AHCYL2: variants seen among roughly 807,000 people sequenced by gnomAD.
AHCYL2 encodes S-adenosylhomocysteine hydrolase-like protein 2.
AHCYL2 carries 28 observed loss-of-function variants against 81.4 expected under a neutral mutation model. That is an observed-to-expected ratio of 0.34 (90% CI 0.25 to 0.47). The LOEUF (loss-of-function observed/expected upper bound fraction) is 0.47, where lower values mean the gene tolerates loss of function less well. AHCYL2 is among the 20% of genes least tolerant of loss of function. The pLI, the probability that AHCYL2 is intolerant of heterozygous loss-of-function variation, is 1.00. For missense variants in AHCYL2, 551 were observed against 785.1 expected, an observed-to-expected ratio of 0.70 and a Z score of 3.56; for synonymous variants, 272 against 290.2, an observed-to-expected ratio of 0.94 and a Z score of 0.64.
intron 2 of AHCYL2, among the ~76,000 whole-genome samples, chr7:129,383,118 C>T (rs1795040366): frequency 6.6e-6 from 1 of 151,826 alleles, no homozygotes; most frequent in Non-Finnish European, 1.5e-5. Context: ...ATACAACTGC[C>T]TGCTGAGTCC....
intron 1 of AHCYL2, among the ~76,000 whole-genome samples, chr7:129,263,169 T>G (rs1795699284): frequency 6.6e-6 from 1 of 152,236 alleles, no homozygotes; most frequent in South Asian, 2.1e-4. Flanking sequence ...TTTTAGTGGC[T>G]TACAATAACA....
intron 10 of AHCYL2, among the ~76,000 whole-genome samples, chr7:129,408,459 CAG>C (rs1442071242): frequency 6.6e-6 from 1 of 152,108 alleles, no homozygotes; most frequent in Non-Finnish European, 1.5e-5. Context: ...ATGGCTCATT[CAG>C]TTGGATGAAC....
At chr7:129,366,776 C>A (rs1210548109) in intron 1 of AHCYL2, among the ~76,000 whole-genome samples, 243 of 138,236 alleles carry the variant, frequency 1.8e-3, no homozygotes, top group Non-Finnish European at 1.9e-3. Flanking sequence ...AACTCTGTCT[C>A]AAAAAAAAAA....
chr7:129,427,033 C>G lies in AHCYL2; in HGVS notation c.1830-6C>G. ...ATCACAGTCTCATCTTTCTTTTTCC[C>G]TCCAGGTATTAAGTTCCTGTAACTC... On this transcript the variant is annotated splice_polypyrimidine_tract_variant and splice_region_variant and intron_variant, in intron 16 of 16. Coordinates refer to ENST00000325006, the MANE Select transcript of AHCYL2 (RefSeq NM_015328.4). This position sits in a 1 kb window ranked among gnomAD's most constrained non-coding sequence, Gnocchi z 5.5. 1 of 1,610,996 alleles carries G rather than the reference C, an allele frequency of 6.2e-7. No homozygotes were observed. Among genetic ancestry groups the G allele is most frequent in the Non-Finnish European group, 8.5e-7 (1 of 1,177,306 alleles).
intron 11 of AHCYL2, chr7:129,410,459 C>T (rs933035433): frequency 1.4e-5 from 17 of 1,253,400 alleles, no homozygotes; most frequent in South Asian, 7.3e-5. Flanking sequence ...TAAATGTGTA[C>T]GTCATTCATT....
chr7:129,259,300 C>T (rs1007915792), intron 1 of AHCYL2, among the ~76,000 whole-genome samples: 7 of 152,058 alleles, frequency 4.6e-5, no homozygotes, highest in East Asian at 1.9e-4. Context: ...AGCACAGGAG[C>T]GACAAATCTT....
chr7:129,402,366 G>A (rs1316838552), intron 6 of AHCYL2, among the ~76,000 whole-genome samples: 1 of 152,162 alleles, frequency 6.6e-6, no homozygotes, highest in South Asian at 2.1e-4. Context: ...TAGACATGAG[G>A]TTGGGGATTT....
In AHCYL2 at chr7:129,248,029, G is replaced by A. The variant is rs544139348; in HGVS notation, c.363+22590G>A. Among the ~76,000 whole-genome samples the A allele has an allele frequency of 7.9e-5, 12 of 152,224 alleles. No individual in the cohort carries two copies. In the South Asian group the frequency reaches 2.3e-3, roughly 29 times the overall value. ...TTGCATTTAGATTTTTGGGCTTGGG[G>A]TGAAAAAAGTCCCCATTTTTTCCCT... On this transcript the variant is annotated intron_variant, in intron 1 of 16. Coordinates refer to ENST00000325006, the MANE Select transcript of AHCYL2 (RefSeq NM_015328.4).
At chr7:129,396,879 G>A (rs1033451898) in intron 4 of AHCYL2, among the ~76,000 whole-genome samples, 2 of 152,196 alleles carry the variant, frequency 1.3e-5, no homozygotes, top group African/African-American at 4.8e-5. Context: ...TCGTTAAGGT[G>A]GGAGCTTCTC....
chr7:129,233,334 T>TACC (rs1328687319), intron 1 of AHCYL2, among the ~76,000 whole-genome samples: 1 of 151,874 alleles, frequency 6.6e-6, no homozygotes. Context: ...ACAAGTGTGC[T>TACC]ACCACGCCTG....
At chr7:129,282,694 G>C (rs1163469607) in intron 1 of AHCYL2, among the ~76,000 whole-genome samples, 2 of 151,678 alleles carry the variant, frequency 1.3e-5, no homozygotes, top group Non-Finnish European at 2.9e-5. Context: ...TTCTTCATGG[G>C]TCATATTTTC....
chr7:129,318,095 C>G (rs148945220), intron 1 of AHCYL2, among the ~76,000 whole-genome samples: 1 of 152,118 alleles, frequency 6.6e-6, no homozygotes, highest in African/African-American at 2.4e-5. Context: ...TATAACACAA[C>G]TCATTGATGA....
intron 1 of AHCYL2, among the ~76,000 whole-genome samples, chr7:129,310,417 G>GAGA (rs1797613877): frequency 6.6e-6 from 1 of 152,174 alleles, no homozygotes; most frequent in Non-Finnish European, 1.5e-5. Context: ...AGACAAGGCT[G>GAGA]AGAATGGACC....
At chr7:129,299,391 T>G (rs1314416962) in intron 1 of AHCYL2, among the ~76,000 whole-genome samples, 12 of 93,334 alleles carry the variant, frequency 1.3e-4, no homozygotes, top group African/African-American at 4.2e-4. Context: ...TTTTTTTTTT[T>G]TTTTTTTTTT....
chr7:129,419,018 T>A lies in AHCYL2; in HGVS notation c.1462-3822T>A, dbSNP rs1240065348. Among the ~76,000 whole-genome samples the A allele has an allele frequency of 6.6e-6, 1 of 152,242 alleles. No individual in the cohort carries two copies. Among genetic ancestry groups the A allele is most frequent in the East Asian group, 1.9e-4 (1 of 5,194 alleles). On this transcript the variant is annotated intron_variant, in intron 12 of 16. Coordinates refer to ENST00000325006, the MANE Select transcript of AHCYL2 (RefSeq NM_015328.4). The surrounding 1 kb of genome is among the most constrained non-coding windows in gnomAD (Gnocchi z 4.7). ...GATTTGGTAAGTATCGAGATATTTT[T>A]AGTAATCAAAATTTTTAAAGAGTTT... is the stretch of plus-strand genomic sequence containing the variant.
chr7:129,239,916 A>G (rs1438946760), intron 1 of AHCYL2, among the ~76,000 whole-genome samples: 1 of 151,874 alleles, frequency 6.6e-6, no homozygotes, highest in African/African-American at 2.4e-5. Context: ...CAGAGACCCC[A>G]TACCCACAGA....
At position 129,426,651 on chromosome 7, in the gene AHCYL2, T is replaced by C. The variant is rs1278808914; in HGVS notation, c.1829+88T>C. ...TGGTCTTTGCATCCCCAACCACATA[T>C]GCTTACATGAACTCAGAAAAATGAA... On this transcript the variant is annotated intron_variant, in intron 16 of 16. Transcript: ENST00000325006. This position sits in a 1 kb window ranked among gnomAD's most constrained non-coding sequence, Gnocchi z 4.3. The C allele has an allele frequency of 3.3e-6, 5 of 1,528,522 alleles. No homozygotes were observed. Among genetic ancestry groups the C allele is most frequent in the African/African-American group, 2.8e-5 (2 of 72,014 alleles). 94.7% of individuals were successfully genotyped at this position (1,528,522 alleles called of 1,614,324 possible).
chr7:129,225,276 CG>C lies in AHCYL2; in HGVS notation c.204del (p.Ala70ProfsTer17). On this transcript the variant is annotated frameshift_variant, in exon 1 of 17. Transcript: ENST00000325006. LOFTEE classifies it high-confidence loss of function. ...AERPPVPGPG[S>X]GPAAALSPAA... is the part of the protein sequence containing the mutation. The stretch of plus-strand genomic sequence containing the variant: ...CGGCCCCCGGTCCCCGGCCCGGGCT[CG>C]GGGCCCGCCGCCGCTCTCAGCCCCG... The C allele has an allele frequency of 6.9e-7, 1 of 1,451,412 alleles. No individual in the cohort carries two copies. The highest frequency in any genetic ancestry group is 9.0e-7 in the Non-Finnish European group (1 of 1,110,626). 89.9% of individuals were successfully genotyped at this position (1,451,412 alleles called of 1,614,324 possible). A position where few individuals can be genotyped will look rare whatever the true frequency, so the allele number is the denominator to read the frequency against.
chr7:129,241,790 G>T (rs1794864742), intron 1 of AHCYL2, among the ~76,000 whole-genome samples: 1 of 151,980 alleles, frequency 6.6e-6, no homozygotes, highest in African/African-American at 2.4e-5. Flanking sequence ...GGCCAAGGTG[G>T]GAGGATCAGT....
Sources: gnomAD v4.1 joint callset for allele counts (sites outside exome capture counted in the v4.1 genomes callset) on GRCh38, gnomAD v4.1.1 for gene constraint, Gnocchi (gnomAD v3.1) non-coding constraint, MANE v1.5 for transcripts, NCBI Gene and HGNC (gene_info 2026-07-23, HGNC 2026-07-21) for gene names.